The following ZNF648 variants were observed in gnomAD, a reference collection of about 807,000 sequenced individuals.
ZNF648 encodes zinc finger protein 648.
In ZNF648, 1 loss-of-function variant was observed where a neutral mutation model predicts 0.3. The ratio of observed to expected loss-of-function variants is 3.90; its 90% CI spans 1.39 to 18.51. The LOEUF is 18.51. Among genes scored for constraint, ZNF648 ranks in the 30% most tolerant of loss-of-function variants. The probability of loss-of-function intolerance (pLI) is 0.11; values close to 1 mark genes in which losing one functional copy is unlikely to be tolerated. For synonymous variants in ZNF648, 376 were observed against 326.8 expected, an observed-to-expected ratio of 1.15 and a Z score of -1.62; for missense variants, 874 against 769.7, an observed-to-expected ratio of 1.14 and a Z score of -1.60.
At chr1:182,063,895 G>A (rs950501225), upstream of ZNF648, 8 of 152,180 alleles carry the variant, frequency 5.3e-5, no homozygotes, top group Admixed American at 1.3e-4. Context: ...GTGTAAGGAA[G>A]GGGCCAGTTT....
At position 182,056,815 on chromosome 1, in the gene ZNF648, C is replaced by G. The variant is rs1308647382; in HGVS notation, c.1196G>C (p.Arg399Pro). The change falls in exon 2 of 2, where the codon CGG becomes CCG. Residue 399 changes from arginine (R) to proline (P), a missense_variant. Arg to Pro is a moderately radical substitution (Grantham distance 103). Transcript: ENST00000339948. ...CATGCGGCTGGCCACAGCGAACTCC[C>G]GGTCGCAGGCGGGGCAGCGGAAGGG... ...AKPFRCPACD[R>P]EFAVASRMVE... 41 of 1,549,174 alleles carry G rather than the reference C, an allele frequency of 2.6e-5. No individual in the cohort carries two copies. The highest frequency in any genetic ancestry group is 3.5e-5 in the Non-Finnish European group (40 of 1,147,384).
At chr1:182,067,417 G>T in the ZNF648 span, among the ~76,000 whole-genome samples, 1 of 152,254 alleles carries the variant, frequency 6.6e-6, no homozygotes, top group Non-Finnish European at 1.5e-5. Flanking sequence ...GAGATGATGT[G>T]CTTTGCAGAG....
chr1:182,056,826 G>A lies in ZNF648; in HGVS notation c.1185C>T (p.Pro395=), dbSNP rs1037393798. 7.1e-6 allele frequency: 11 copies of A among 1,553,050 alleles called. No homozygotes were observed. Among genetic ancestry groups the A allele is most frequent in the Non-Finnish European group, 9.6e-6 (11 of 1,148,762 alleles). ...THLGAKPFRC[P]ACDREFAVAS... The stretch of plus-strand genomic sequence containing the variant: ...CCACAGCGAACTCCCGGTCGCAGGC[G>A]GGGCAGCGGAAGGGCTTGGCGCCCA... Residue 395 remains proline, a synonymous_variant, in exon 2 of 2, where the codon CCC becomes CCT. Coordinates refer to ENST00000339948, the MANE Select transcript of ZNF648 (RefSeq NM_001009992.1).
rs919774304 is a variant in ZNF648, at chr1:182,061,582, C to T, written c.-78G>A. On this transcript the variant is annotated 5_prime_UTR_variant, in exon 1 of 2. Coordinates refer to ENST00000339948, the MANE Select transcript of ZNF648 (RefSeq NM_001009992.1). Reference sequence around the variant, plus strand: ...CGGTTGCTTACCTGGGAAATGCAGACAGCAGTGTGGGGCCTCTGCCCTGGC... The same window carrying T: ...CGGTTGCTTACCTGGGAAATGCAGATAGCAGTGTGGGGCCTCTGCCCTGGC... 1 of 152,496 alleles carries T rather than the reference C, an allele frequency of 6.6e-6. No homozygotes were observed. Among genetic ancestry groups the T allele is most frequent in the African/African-American group, 2.4e-5 (1 of 41,476 alleles). 9.4% of individuals were successfully genotyped at this position (152,496 alleles called of 1,614,324 possible). A position where few individuals can be genotyped will look rare whatever the true frequency, so the allele number is the denominator to read the frequency against.
At position 182,054,698 on chromosome 1, in the gene ZNF648, C is replaced by T. The variant is rs944672740; in HGVS notation, c.*1606G>A. On this transcript the variant is annotated 3_prime_UTR_variant, in exon 2 of 2. Coordinates refer to ENST00000339948, the MANE Select transcript of ZNF648 (RefSeq NM_001009992.1). ...TCTTGCATCCAGCCAAAGTTTCCGTCATATAGTAGGATCACTCTAACTTTT... is the reference window on the plus strand; with the variant it reads ...TCTTGCATCCAGCCAAAGTTTCCGTTATATAGTAGGATCACTCTAACTTTT... 6.6e-6 allele frequency: 1 copy of T among 152,184 alleles called. No individual in the cohort carries two copies. The highest frequency in any genetic ancestry group is 2.4e-5 in the African/African-American group (1 of 41,452). 9.4% of individuals were successfully genotyped at this position (152,184 alleles called of 1,614,324 possible). A position where few individuals can be genotyped will look rare whatever the true frequency, so the allele number is the denominator to read the frequency against.
Position 182,056,835 on chromosome 1 carries a change from G to T in ZNF648, c.1176C>A (p.Phe392Leu). The change falls in exon 2 of 2, where the codon TTC becomes TTA. Residue 392 changes from phenylalanine (F) to leucine (L), a missense_variant. Phe to Leu is a conservative substitution (Grantham distance 22). Coordinates refer to ENST00000339948, the MANE Select transcript of ZNF648 (RefSeq NM_001009992.1). Reference sequence around the variant, plus strand: ...ACTCCCGGTCGCAGGCGGGGCAGCGGAAGGGCTTGGCGCCCAGGTGCGTGC... The same window carrying T: ...ACTCCCGGTCGCAGGCGGGGCAGCGTAAGGGCTTGGCGCCCAGGTGCGTGC... ...HQRTHLGAKP[F>L]RCPACDREFA... 1 of 1,556,352 alleles carries T rather than the reference G, an allele frequency of 6.4e-7. No homozygotes were observed. Among genetic ancestry groups the T allele is most frequent in the Non-Finnish European group, 8.7e-7 (1 of 1,150,150 alleles).
the ZNF648 span, among the ~76,000 whole-genome samples, chr1:182,068,809 C>T: frequency 6.6e-6 from 1 of 151,016 alleles, no homozygotes; most frequent in Non-Finnish European, 1.5e-5. Flanking sequence ...CCTGTGGTCC[C>T]AGCTACTCAG....
In ZNF648 at chr1:182,056,314, G is replaced by A. The variant is rs751948905; in HGVS notation, c.1697C>T (p.Ser566Phe). The A allele has an allele frequency of 2.5e-6, 4 of 1,611,358 alleles. No homozygotes were observed. Among genetic ancestry groups the A allele is most frequent in the South Asian group, 2.2e-5 (2 of 90,748 alleles). Residue 566 changes from serine (S) to phenylalanine (F), a missense_variant, in exon 2 of 2, where the codon TCT becomes TTT. Physicochemically the swap from Ser to Phe is radical, Grantham distance 155 (BLOSUM62 -2). Coordinates refer to ENST00000339948, the MANE Select transcript of ZNF648 (RefSeq NM_001009992.1). ...TCKKEPIPSS[S>F]DE ...TCGACGATGCTATCTTCACTCGTCA[G>A]AGGAGGAAGGGATGGGCTCCTTCTT...
the ZNF648 span, among the ~76,000 whole-genome samples, chr1:182,066,913 C>T: frequency 6.6e-6 from 1 of 152,160 alleles, no homozygotes. Flanking sequence ...ACTCTGCTTC[C>T]AGAAGGGTGC....
upstream of ZNF648, chr1:182,062,705 A>T (rs1466524811): frequency 6.6e-6 from 1 of 152,194 alleles, no homozygotes; most frequent in African/African-American, 2.4e-5. Flanking sequence ...GACGATTTTT[A>T]AAAATTTTAA....
In ZNF648 at chr1:182,057,436, A is replaced by C. The variant is rs1413583560; in HGVS notation, c.575T>G (p.Phe192Cys). 32 of 1,614,004 alleles carry C rather than the reference A, an allele frequency of 2.0e-5. No individual in the cohort carries two copies. In the East Asian group the frequency reaches 6.9e-4, roughly 35 times the overall value. The change falls in exon 2 of 2, where the codon TTC becomes TGC. Residue 192 changes from phenylalanine (F) to cysteine (C), a missense_variant. Physicochemically the swap from Phe to Cys is radical, Grantham distance 205. Coordinates refer to ENST00000339948, the MANE Select transcript of ZNF648 (RefSeq NM_001009992.1). ...TSAGNSSLLC[F>C]PRPGSNWDLP... ...GTCCCAGTTGCTCCCCGGCCTGGGG[A>C]AACACAACAGAGAAGAGTTCCCTGC...
upstream of ZNF648, among the ~76,000 whole-genome samples, chr1:182,062,063 C>T (rs146008695): frequency 2.8e-4 from 42 of 152,326 alleles, no homozygotes; most frequent in African/African-American, 9.6e-4. Flanking sequence ...GGCCTATATG[C>T]CCACCTCCCT....
chr1:182,057,981 C>T lies in ZNF648; in HGVS notation c.30G>A (p.Trp10Ter). ...AGCTGCTGAGAGGAGACGCCTCTCC[C>T]CACCTGTCCTGGGAGTCCACTTGTG... Reference protein sequence around the residue: MAQVDSQDRWGEASPLSSLT... With the variant: MAQVDSQDR Residue 10 changes from tryptophan to a stop codon, truncating the protein, a stop_gained, in exon 2 of 2, where the codon TGG becomes TGA. Transcript: ENST00000339948. LOFTEE classifies it low-confidence loss of function (END_TRUNC). The T allele has an allele frequency of 6.2e-7, 1 of 1,611,814 alleles. No homozygotes were observed. Among genetic ancestry groups the T allele is most frequent in the South Asian group, 1.1e-5 (1 of 90,752 alleles).
chr1:182,057,568 C>T lies in ZNF648; in HGVS notation c.443G>A (p.Gly148Asp). 6.2e-7 allele frequency: 1 copy of T among 1,614,236 alleles called. No individual in the cohort carries two copies. Among genetic ancestry groups the T allele is most frequent in the Non-Finnish European group, 8.5e-7 (1 of 1,180,048 alleles). The stretch of plus-strand genomic sequence containing the variant: ...GTTTGCCCCCGAGTATCCATCATCA[C>T]CCGCAGGTAGTCGGTCCCCAAGAGG... ...MQPLGDRLPA[G>D]DDGYSGANQD... The change falls in exon 2 of 2, where the codon GGT becomes GAT. Residue 148 changes from glycine (G) to aspartate (D), a missense_variant. By Grantham distance (94) the Gly-to-Asp change is moderately conservative. Transcript: ENST00000339948.
Position 182,056,234 on chromosome 1 carries a change from G to A in ZNF648, c.*70C>T. ...CTGCTGGGAGGCGAGGCTGACCAGTGAGGCTGGCAATACCATGTGAGTGGG... is the reference window on the plus strand; with the variant it reads ...CTGCTGGGAGGCGAGGCTGACCAGTAAGGCTGGCAATACCATGTGAGTGGG... On this transcript the variant is annotated 3_prime_UTR_variant, in exon 2 of 2. Coordinates refer to ENST00000339948, the MANE Select transcript of ZNF648 (RefSeq NM_001009992.1). The A allele has an allele frequency of 6.6e-7, 1 of 1,526,546 alleles. No individual in the cohort carries two copies. Among genetic ancestry groups the A allele is most frequent in the Non-Finnish European group, 8.8e-7 (1 of 1,137,830 alleles). 94.6% of individuals were successfully genotyped at this position (1,526,546 alleles called of 1,614,324 possible).
chr1:182,055,554 C>T lies in ZNF648; in HGVS notation c.*750G>A, dbSNP rs1289468828. ...TTATATGAATTCTGTGGGTGAGACTCGGGTTAGATCTACTTACTAAATTCC... is the reference window on the plus strand; with the variant it reads ...TTATATGAATTCTGTGGGTGAGACTTGGGTTAGATCTACTTACTAAATTCC... On this transcript the variant is annotated 3_prime_UTR_variant, in exon 2 of 2. Coordinates refer to ENST00000339948, the MANE Select transcript of ZNF648 (RefSeq NM_001009992.1). This position sits in a 1 kb window ranked among gnomAD's most constrained non-coding sequence, Gnocchi z 4.1. The T allele has an allele frequency of 2.6e-5, 4 of 152,180 alleles. No homozygotes were observed. Among genetic ancestry groups the T allele is most frequent in the African/African-American group, 9.7e-5 (4 of 41,438 alleles). 9.4% of individuals were successfully genotyped at this position (152,180 alleles called of 1,614,324 possible).
At position 182,057,709 on chromosome 1, in the gene ZNF648, G is replaced by T; in HGVS notation, c.302C>A (p.Ala101Asp). ...GQKPVEMSGK[A>D]SWSRDVTKIN... is the part of the protein sequence containing the mutation. Reference sequence around the variant, plus strand: ...CTTTGTCACATCTCTGCTCCAACTGGCTTTCCCAGACATTTCCACTGGTTT... The same window carrying T: ...CTTTGTCACATCTCTGCTCCAACTGTCTTTCCCAGACATTTCCACTGGTTT... The change falls in exon 2 of 2, where the codon GCC (alanine) becomes GAC (aspartate). Residue 101 changes from alanine to aspartate, a missense_variant. Ala to Asp is a moderately radical substitution (Grantham distance 126, BLOSUM62 -2). Transcript: ENST00000339948. 6.2e-7 allele frequency: 1 copy of T among 1,614,214 alleles called. No individual in the cohort carries two copies. Among genetic ancestry groups the T allele is most frequent in the Non-Finnish European group, 8.5e-7 (1 of 1,180,054 alleles).
rs1665882900 is a variant in ZNF648, at chr1:182,054,839, AGACAC to A, written c.*1460_*1464del. 1 of 152,178 alleles carries A rather than the reference AGACAC, an allele frequency of 6.6e-6. No individual in the cohort carries two copies. The highest frequency in any genetic ancestry group is 1.5e-5 in the Non-Finnish European group (1 of 68,044). 9.4% of individuals were successfully genotyped at this position (152,178 alleles called of 1,614,324 possible). A position where few individuals can be genotyped will look rare whatever the true frequency, so the allele number is the denominator to read the frequency against. On this transcript the variant is annotated 3_prime_UTR_variant, in exon 2 of 2. Coordinates refer to ENST00000339948, the MANE Select transcript of ZNF648 (RefSeq NM_001009992.1). ...TTATTACGGTTACCTTGGTCAAACA[AGACAC>A]AAGACTATCTAGCTATCTAGCTATC...
chr1:182,058,022 G>T lies in ZNF648; in HGVS notation c.-12C>A, dbSNP rs759910012. The T allele has an allele frequency of 5.7e-6, 9 of 1,587,032 alleles. No individual in the cohort carries two copies. Among genetic ancestry groups the T allele is most frequent in the Non-Finnish European group, 7.7e-6 (9 of 1,169,070 alleles). On this transcript the variant is annotated 5_prime_UTR_variant, in exon 2 of 2. Transcript: ENST00000339948. ...TCCACTTGTGCCATGATGTTCAGGC[G>T]CTTCTATTGCCTACTCCTCTGAGGA...
Sources: gnomAD v4.1 joint callset for allele counts (sites outside exome capture counted in the v4.1 genomes callset) on GRCh38, gnomAD v4.1.1 for gene constraint, Gnocchi (gnomAD v3.1) non-coding constraint, MANE v1.5 for transcripts, NCBI Gene and HGNC (gene_info 2026-07-23, HGNC 2026-07-21) for gene names.